Variants in RNF11 observed in about 807,000 individuals in gnomAD.
RNF11 encodes ring finger protein 11.
In RNF11, 4 loss-of-function variants were observed where a neutral mutation model predicts 15.8. That is an observed-to-expected ratio of 0.25 (90% confidence interval 0.12 to 0.58). The LOEUF (loss-of-function observed/expected upper bound fraction) is 0.58. Among genes scored for constraint, RNF11 ranks in the 20% least tolerant of loss-of-function variants. The pLI, the probability that RNF11 is intolerant of heterozygous loss-of-function variation, is 0.91. For missense variants in RNF11, 139 were observed against 194.4 expected, an observed-to-expected ratio of 0.71 and a Z score of 1.70; for synonymous variants, 68 against 72.3, an observed-to-expected ratio of 0.94 and a Z score of 0.30.
intron 1 of RNF11, among the ~76,000 whole-genome samples, chr1:51,258,724 T>G (rs565461690): frequency 2.2e-4 from 34 of 152,206 alleles, no homozygotes; most frequent in Admixed American, 5.9e-4. Flanking sequence ...TCCCCGTGTC[T>G]TCTTTTCTAT....
chr1:51,257,214 C>A (rs1288284379), intron 1 of RNF11, among the ~76,000 whole-genome samples: 1 of 152,144 alleles, frequency 6.6e-6, no homozygotes, highest in Admixed American at 6.5e-5. Flanking sequence ...AGGTTAAGCT[C>A]TGGTAAAAGT....
intron 1 of RNF11, among the ~76,000 whole-genome samples, chr1:51,260,996 CGAAA>C (rs1307982846): frequency 4.6e-5 from 7 of 152,218 alleles, no homozygotes; most frequent in Admixed American, 3.9e-4. Flanking sequence ...ACATGAGAAT[CGAAA>C]GAAAGAACCT....
rs200013742 is a variant in RNF11 at position 51,237,539 on chromosome 1, C to G, written c.123+660C>G. ...TTTTAAACGTGCTGACTTAAGAAAA[C>G]TTGATTAGCTTGAACTTTGGAAACC... On this transcript the variant is annotated intron_variant, in intron 1 of 2. Transcript: ENST00000242719. 2.3e-4 allele frequency among the ~76,000 whole-genome samples: 35 copies of G among 151,372 alleles called. No homozygotes were observed. In the East Asian group the frequency reaches 6.6e-3, roughly 29 times the overall value.
intron 1 of RNF11, chr1:51,251,159 C>T: frequency 1.3e-6 from 2 of 1,540,048 alleles, no homozygotes; most frequent in East Asian, 2.3e-5. Flanking sequence ...GCATAATCTT[C>T]AAAACCTCAT....
chr1:51,242,511 TTTG>T (rs1216871494), intron 1 of RNF11, among the ~76,000 whole-genome samples: 1 of 152,054 alleles, frequency 6.6e-6, no homozygotes, highest in African/African-American at 2.4e-5. Context: ...AAAACCCTCT[TTTG>T]TTGTTAAAAG....
At chr1:51,262,550 G>T (rs960685091) in intron 1 of RNF11, among the ~76,000 whole-genome samples, 1 of 150,270 alleles carries the variant, frequency 6.7e-6, no homozygotes, top group Non-Finnish European at 1.5e-5. Flanking sequence ...GCTTTTTTTT[G>T]TTTGTTTGTT....
chr1:51,246,138 G>T (rs1322816247), intron 1 of RNF11, among the ~76,000 whole-genome samples: 1 of 152,132 alleles, frequency 6.6e-6, no homozygotes, highest in African/African-American at 2.4e-5. Flanking sequence ...GGTGGCACAT[G>T]CCTGTAATCC....
Position 51,270,070 on chromosome 1 carries a change from C to G in RNF11, c.238C>G (p.Leu80Val). The G allele has an allele frequency of 6.2e-7, 1 of 1,613,618 alleles. No homozygotes were observed. The highest frequency in any genetic ancestry group is 8.5e-7 in the Non-Finnish European group (1 of 1,179,762). Reference sequence around the variant, plus strand: ...TCAAAGAATAGGTCTTATACAACATCTGCCTAAAGGAGTTTATGACCCTGG... The same window carrying G: ...TCAAAGAATAGGTCTTATACAACATGTGCCTAAAGGAGTTTATGACCCTGG... Reference protein sequence around the residue: ...IAQRIGLIQHLPKGVYDPGRD... With the variant: ...IAQRIGLIQHVPKGVYDPGRD... The change falls in exon 2 of 3, where the codon CTG becomes GTG. Residue 80 changes from leucine (L) to valine (V), a missense_variant. Coordinates refer to ENST00000242719, the MANE Select transcript of RNF11 (RefSeq NM_014372.5).
At position 51,236,822 on chromosome 1, in the gene RNF11, C is replaced by T; in HGVS notation, c.66C>T (p.Asp22=). ...CCCTGCTTCACGAGTCTCAGTCCGA[C>T]CGGGCTAGCTTTGGCGAGGGGACGG... ...DISLLHESQS[D]RASFGEGTEP... is the part of the protein sequence containing the mutation. The change falls in exon 1 of 3, where the codon GAC becomes GAT. Residue 22 remains aspartate (D), a synonymous_variant. Coordinates refer to ENST00000242719, the MANE Select transcript of RNF11 (RefSeq NM_014372.5). 2 of 1,613,410 alleles carry T rather than the reference C, an allele frequency of 1.2e-6. No homozygotes were observed. Among genetic ancestry groups the T allele is most frequent in the South Asian group, 2.2e-5 (2 of 91,004 alleles).
rs1474449297 is a variant in RNF11, at chr1:51,247,549, G to C, written c.123+10670G>C. 6.6e-5 allele frequency among the ~76,000 whole-genome samples: 10 copies of C among 151,632 alleles called. No individual in the cohort carries two copies. In the East Asian group the frequency reaches 1.9e-3, roughly 29 times the overall value. On this transcript the variant is annotated intron_variant, in intron 1 of 2. Coordinates refer to ENST00000242719, the MANE Select transcript of RNF11 (RefSeq NM_014372.5). ...CATCCTCCTGCCTCACCCTCCTAAAGTGAAGTGCTGGAATAACAGGCATGA... is the reference window on the plus strand; with the variant it reads ...CATCCTCCTGCCTCACCCTCCTAAACTGAAGTGCTGGAATAACAGGCATGA...
intron 1 of RNF11, among the ~76,000 whole-genome samples, chr1:51,252,101 AAG>A (rs1459151280): frequency 4.7e-5 from 7 of 149,394 alleles, no homozygotes; most frequent in African/African-American, 1.8e-4. Context: ...AAAAAAAAAA[AAG>A]AAACAGAAAA....
chr1:51,255,200 A>T (rs1244759699), intron 1 of RNF11, among the ~76,000 whole-genome samples: 1 of 152,216 alleles, frequency 6.6e-6, no homozygotes, highest in Non-Finnish European at 1.5e-5. Context: ...TGCAATGTGT[A>T]CATTATAGCT....
At chr1:51,264,287 A>AAT (rs1162466435) in intron 1 of RNF11, among the ~76,000 whole-genome samples, 1,748 of 32,360 alleles carry the variant, frequency 0.054, 113 homozygotes, top group Non-Finnish European at 0.07. Context: ...AAAAAAAAAA[A>AAT]ATATATATAT....
intron 1 of RNF11, among the ~76,000 whole-genome samples, chr1:51,268,506 C>T (rs183104459): frequency 2.6e-5 from 4 of 152,246 alleles, no homozygotes; most frequent in African/African-American, 9.6e-5. Context: ...TTCTGTTCTG[C>T]TTTCTGTGTT....
intron 1 of RNF11, among the ~76,000 whole-genome samples, chr1:51,261,958 G>A (rs948510696): frequency 5.3e-5 from 8 of 151,948 alleles, no homozygotes; most frequent in African/African-American, 1.5e-4. Flanking sequence ...CGGTTCAAGC[G>A]ATTCTCCTGC....
chr1:51,270,139 A>G lies in RNF11; in HGVS notation c.293+14A>G, dbSNP rs1646971671. 6 of 1,576,880 alleles carry G rather than the reference A, an allele frequency of 3.8e-6. No individual in the cohort carries two copies. The East Asian group carries it at 1.4e-4, about 36-fold the overall frequency. On this transcript the variant is annotated intron_variant, in intron 2 of 2. Transcript: ENST00000242719. ...AAAGATCCGGGAGTAAGTTTTAATT[A>G]ATTTGTACATTTCAAAGTTTTATTT... is the stretch of plus-strand genomic sequence containing the variant.
intron 1 of RNF11, among the ~76,000 whole-genome samples, chr1:51,248,429 C>T (rs577815752): frequency 1.7e-3 from 265 of 152,126 alleles, no homozygotes; most frequent in African/African-American, 6.1e-3. Context: ...GTCGAACTCC[C>T]GACCTCAGGT....
chr1:51,246,032 G>T (rs1192528043), intron 1 of RNF11, among the ~76,000 whole-genome samples: 1 of 152,154 alleles, frequency 6.6e-6, no homozygotes, highest in African/African-American at 2.4e-5. Context: ...TTGGGAGGCT[G>T]AGGTGGGCGG....
In RNF11 at chr1:51,236,838, G is replaced by A. The variant is rs1164194794; in HGVS notation, c.82G>A (p.Glu28Lys). Residue 28 changes from glutamate (E) to lysine (K), a missense_variant, in exon 1 of 3, where the codon GAG (glutamate) becomes AAG (lysine). Transcript: ENST00000242719. ...TCAGTCCGACCGGGCTAGCTTTGGC[G>A]AGGGGACGGAGCCGGATCAGGAGCC... ...ESQSDRASFG[E>K]GTEPDQEPPP... 6.2e-7 allele frequency: 1 copy of A among 1,612,862 alleles called. No homozygotes were observed. The highest frequency in any genetic ancestry group is 8.5e-7 in the Non-Finnish European group (1 of 1,179,436).
Sources: gnomAD v4.1 joint callset for allele counts (sites outside exome capture counted in the v4.1 genomes callset) on GRCh38, gnomAD v4.1.1 for gene constraint, MANE v1.5 for transcripts, NCBI Gene and HGNC (gene_info 2026-07-23, HGNC 2026-07-21) for gene names.